ZNF112: variants seen among roughly 807,000 people sequenced by gnomAD.
ZNF112 encodes zinc finger protein 112 (Y14).
In ZNF112, 37 loss-of-function variants were observed where a neutral mutation model predicts 77.7. The ratio of observed to expected loss-of-function variants is 0.48; its 90% CI spans 0.37 to 0.63. The LOEUF is 0.63. ZNF112 is among the 20% of genes least tolerant of loss of function. ZNF112 has a pLI of 0.00. For missense variants in ZNF112, 950 were observed against 1,077.4 expected (o/e 0.88, Z 1.66); for synonymous variants, 333 against 363.6 (o/e 0.92, Z 0.96).
At chr19:44,342,844 G>C (rs1970517042) in intron 1 of ZNF112, among the ~76,000 whole-genome samples, 1 of 150,956 alleles carries the variant, frequency 6.6e-6, no homozygotes, top group Non-Finnish European at 1.5e-5. Flanking sequence ...AAAAAGAAAA[G>C]GGGGAGAGGG....
intron 1 of ZNF112, among the ~76,000 whole-genome samples, chr19:44,351,872 T>C (rs1335772242): frequency 6.6e-6 from 1 of 152,042 alleles, no homozygotes; most frequent in Non-Finnish European, 1.5e-5. Context: ...GAAATATAAA[T>C]GAATTAACAT....
chr19:44,336,718 G>C lies in ZNF112; in HGVS notation c.125C>G (p.Ala42Gly), dbSNP rs1169100300. Reference sequence around the variant, plus strand: ...TAGGTCTGGCTTGAAGGGCTGATGTGCTGTAAAGAAGGAAAGGACAGCAAA... The same window carrying C: ...TAGGTCTGGCTTGAAGGGCTGATGTCCTGTAAAGAAGGAAAGGACAGCAAA... Reference protein sequence around the residue: ...LENFRNLLLVAHQPFKPDLIS... With the variant: ...LENFRNLLLVGHQPFKPDLIS... Residue 42 changes from alanine to glycine, a missense_variant and splice_region_variant, in exon 3 of 4, where the codon GCA becomes GGA. Physicochemically the swap from Ala to Gly is moderately conservative, Grantham distance 60 (BLOSUM62 0). Transcript: ENST00000354340. 1 of 1,613,610 alleles carries C rather than the reference G, an allele frequency of 6.2e-7. No homozygotes were observed. Among genetic ancestry groups the C allele is most frequent in the Non-Finnish European group, 8.5e-7 (1 of 1,179,794 alleles).
At chr19:44,349,808 C>A (rs1376324569) in intron 1 of ZNF112, among the ~76,000 whole-genome samples, 1 of 152,060 alleles carries the variant, frequency 6.6e-6, no homozygotes, top group Non-Finnish European at 1.5e-5. Context: ...GATTAGTAGA[C>A]TTTGGGCAAG....
rs1182224503 is a variant in ZNF112 at position 44,340,515 on chromosome 19, C to T, written c.25G>A (p.Val9Met). MVTFKDVAVVFTEEELGLL... is the reference protein window; with the variant it reads MVTFKDVAMVFTEEELGLL... ...CCCAGCTCCTCCTCAGTGAAGACCA[C>T]AGCAACATCCTTGAATGTCACCATC... Residue 9 changes from valine (V) to methionine (M), a missense_variant, in exon 2 of 4, where the codon GTG becomes ATG. Physicochemically the swap from Val to Met is conservative, Grantham distance 21. Transcript: ENST00000354340. The T allele has an allele frequency of 6.2e-7, 1 of 1,614,074 alleles. No homozygotes were observed.
intron 1 of ZNF112, among the ~76,000 whole-genome samples, chr19:44,353,494 C>A (rs532743542): frequency 1.3e-5 from 2 of 151,968 alleles, no homozygotes; most frequent in South Asian, 4.2e-4. Flanking sequence ...ATCACACATC[C>A]AACAAAGGAC....
chr19:44,344,712 A>G (rs1284255618), intron 1 of ZNF112, among the ~76,000 whole-genome samples: 2 of 152,220 alleles, frequency 1.3e-5, no homozygotes, highest in African/African-American at 4.8e-5. Context: ...ATACATGATG[A>G]TGGAGGATGG....
rs183549886 is a variant in ZNF112, at chr19:44,366,676, C to G, written c.17+405G>C. Among the ~76,000 whole-genome samples, 7 of 144,938 alleles carry G rather than the reference C, an allele frequency of 4.8e-5. No homozygotes were observed. In the East Asian group the frequency reaches 1.6e-3, roughly 33 times the overall value. ...ACCCCCACTTTTTTAAAAAGGGAATCCAGGAATCGTCCTGCTTCCTGTAGG... is the reference window on the plus strand; with the variant it reads ...ACCCCCACTTTTTTAAAAAGGGAATGCAGGAATCGTCCTGCTTCCTGTAGG... On this transcript the variant is annotated intron_variant, in intron 1 of 4. Transcript: ENST00000588057.
rs773485136 is a variant in ZNF112, at chr19:44,329,319, A to T, written c.838T>A (p.Tyr280Asn). Residue 280 changes from tyrosine to asparagine, a missense_variant, in exon 4 of 4, where the codon TAT becomes AAT. Transcript: ENST00000354340. ...CCCTTTCCACATGAACTGTATGTAT[A>T]GGGCTTCCCTTCCAAGTGGAACTGC... ...HQQFHLEGKP[Y>N]TYSSCGKGCN... 1.1e-5 allele frequency: 18 copies of T among 1,613,672 alleles called. No homozygotes were observed. The African/African-American group carries it at 2.1e-4, about 19-fold the overall frequency.
intron 1 of ZNF112, among the ~76,000 whole-genome samples, chr19:44,355,342 C>T (rs1970767697): frequency 6.6e-6 from 1 of 152,024 alleles, no homozygotes; most frequent in Admixed American, 6.5e-5. Flanking sequence ...TTTTCTTTTA[C>T]ACTTTCTATA....
chr19:44,344,508 T>C (rs1287723722), intron 1 of ZNF112, among the ~76,000 whole-genome samples: 4 of 152,202 alleles, frequency 2.6e-5, no homozygotes. Context: ...TGCTGTAGAA[T>C]CCACAGGATG....
chr19:44,339,537 T>G (rs1437958049), intron 2 of ZNF112, among the ~76,000 whole-genome samples: 2 of 152,206 alleles, frequency 1.3e-5, no homozygotes, highest in African/African-American at 4.8e-5. Flanking sequence ...CATACTTCAC[T>G]GCTGGGAAGT....
chr19:44,329,580 G>T lies in ZNF112; in HGVS notation c.577C>A (p.Gln193Lys). ...AAATGATTTTTCATGGAAATTTGCT[G>T]ACATCTACACTGATAATTATGTGAC... Reference protein sequence around the residue: ...KESHNYQCRCQQISMKNHFCK... With the variant: ...KESHNYQCRCKQISMKNHFCK... Residue 193 changes from glutamine (Q) to lysine (K), a missense_variant, in exon 4 of 4, where the codon CAG (glutamine) becomes AAG (lysine). Physicochemically the swap from Gln to Lys is moderately conservative, Grantham distance 53 (BLOSUM62 1). Around this residue, in one of 3 missense-constraint regions of ZNF112, gnomAD observed 560 missense variants for 557.3 expected, o/e 1.00. Transcript: ENST00000354340. 6.2e-7 allele frequency: 1 copy of T among 1,613,964 alleles called. No individual in the cohort carries two copies.
intron 2 of ZNF112, among the ~76,000 whole-genome samples, chr19:44,339,070 A>AAT (rs1555803328): frequency 3.9e-5 from 6 of 152,228 alleles, no homozygotes; most frequent in Non-Finnish European, 5.9e-5. Flanking sequence ...CAAAAGAAAA[A>AAT]ATATATATAT....
At chr19:44,330,751 A>C (rs1970255827) in intron 3 of ZNF112, among the ~76,000 whole-genome samples, 1 of 152,226 alleles carries the variant, frequency 6.6e-6, no homozygotes, top group Non-Finnish European at 1.5e-5. Context: ...AAACAAAACA[A>C]CACAACTATA....
At chr19:44,342,326 A>G (rs899340223) in intron 1 of ZNF112, among the ~76,000 whole-genome samples, 1 of 152,210 alleles carries the variant, frequency 6.6e-6, no homozygotes, top group Non-Finnish European at 1.5e-5. Flanking sequence ...AGACAAAATC[A>G]TATTTTATGT....
chr19:44,332,965 T>TA (rs1217043639), intron 3 of ZNF112, among the ~76,000 whole-genome samples: 3 of 152,240 alleles, frequency 2.0e-5, no homozygotes, highest in Admixed American at 6.5e-5. Flanking sequence ...TCTATTTCAA[T>TA]ATCAATGGTA....
chr19:44,362,249 A>G (rs9749345), intron 1 of ZNF112, among the ~76,000 whole-genome samples: 121,172 of 151,842 alleles, frequency 0.8, 48,997 homozygotes, highest in African/African-American at 0.92. Context: ...AGGTGAGGGT[A>G]TGTAGGAGGA....
At chr19:44,338,749 G>T (rs922739841) in intron 2 of ZNF112, among the ~76,000 whole-genome samples, 1 of 152,190 alleles carries the variant, frequency 6.6e-6, no homozygotes, top group African/African-American at 2.4e-5. Context: ...CTGTTCTGGA[G>T]GGAGAAAAAT....
chr19:44,328,180 A>T lies in ZNF112; in HGVS notation c.1977T>A (p.Tyr659Ter). The T allele has an allele frequency of 6.2e-7, 1 of 1,613,120 alleles. No homozygotes were observed. The highest frequency in any genetic ancestry group is 8.5e-7 in the Non-Finnish European group (1 of 1,179,766). ...AGCCTTTACCACATTCTTCACATTT[A>T]TAGGGTTTTTCTCCTGTGTGAACCC... is the stretch of plus-strand genomic sequence containing the variant. ...HQRVHTGEKP[Y>*]KCEECGKGFS... Residue 659 changes from tyrosine (Y) to a stop codon, truncating the protein, a stop_gained, in exon 4 of 4, where the codon TAT becomes TAA. Transcript: ENST00000354340. LOFTEE classifies it high-confidence loss of function.
Sources: gnomAD v4.1 joint callset for allele counts (sites outside exome capture counted in the v4.1 genomes callset) on GRCh38, gnomAD v4.1.1 for gene constraint, gnomAD v4.1.1 regional missense constraint, MANE v1.5 for transcripts, NCBI Gene and HGNC (gene_info 2026-07-23, HGNC 2026-07-21) for gene names.